TMCC3: variants seen among roughly 807,000 people sequenced by gnomAD.
TMCC3 encodes the protein transmembrane and coiled-coil domain protein 3.
Under a neutral mutation model 40.2 loss-of-function variants are expected in TMCC3, and 28 were observed. The observed-to-expected ratio is 0.70, with a 90% CI of 0.52 to 0.95. The LOEUF is 0.95. TMCC3 is among the 40% of genes least tolerant of loss of function. The pLI, the probability that TMCC3 is intolerant of heterozygous loss-of-function variation, is 0.00. For missense variants in TMCC3, 554 were observed against 615.2 expected, an observed-to-expected ratio of 0.90 and a Z score of 1.05; for synonymous variants, 255 against 248.5, an observed-to-expected ratio of 1.03 and a Z score of -0.25.
chr12:94,571,503 GA>G lies in TMCC3; in HGVS notation c.1365del (p.Ala457LeufsTer14). The G allele has an allele frequency of 6.2e-7, 1 of 1,614,128 alleles. No homozygotes were observed. Among genetic ancestry groups the G allele is most frequent in the Non-Finnish European group, 8.5e-7 (1 of 1,180,028 alleles). ...HILGTFFAVT[L>X]LAIFCKNWDH... ...TCCCAGTTTTTACAAAATATAGCAA[GA>G]AGAGTCACGGCAAAGAAGGTGCCAA... On this transcript the variant is annotated frameshift_variant, in exon 4 of 4. Transcript: ENST00000261226. LOFTEE classifies it high-confidence loss of function.
At chr12:94,610,640 T>C (rs1235434429) in intron 1 of TMCC3, among the ~76,000 whole-genome samples, 2 of 152,144 alleles carry the variant, frequency 1.3e-5, no homozygotes, top group East Asian at 3.8e-4. Flanking sequence ...AGAACCTCTT[T>C]TTAAAATTCT....
intron 1 of TMCC3, among the ~76,000 whole-genome samples, chr12:94,647,678 G>A (rs2069027492): frequency 6.6e-6 from 1 of 152,202 alleles, no homozygotes; most frequent in African/African-American, 2.4e-5. Context: ...AGCACTCGAT[G>A]TCTTCCTCTC....
chr12:94,650,246 C>T (rs2069048309), intron 1 of TMCC3, 107 bp downstream of exon 1: 2 of 641,306 alleles, frequency 3.1e-6, no homozygotes, highest in African/African-American at 1.9e-5. Context: ...CAGCGGAGGG[C>T]GGCGGCGAAA....
intron 1 of TMCC3, among the ~76,000 whole-genome samples, chr12:94,635,366 C>CCGAGCTG (rs376641152): frequency 3.3e-5 from 5 of 152,122 alleles, no homozygotes; most frequent in Non-Finnish European, 7.3e-5. Context: ...CTTCCATCTC[C>CCGAGCTG]CGAGCTGCGA....
At position 94,582,386 on chromosome 12, in the gene TMCC3, C is replaced by T. The variant is rs1397109027; in HGVS notation, c.231G>A (p.Lys77=). The change falls in exon 2 of 4, where the codon AAG becomes AAA. Residue 77 remains lysine (K), a synonymous_variant. Coordinates refer to ENST00000261226, the MANE Select transcript of TMCC3 (RefSeq NM_020698.4). ...GCTCAATTTTTATCTGCTCTGTTAC[C>T]TTTAGAATTTTTTGCTTCAGGCTGT... ...TADSLKQKIL[K]VTEQIKIEQT... is the part of the protein sequence containing the mutation. The T allele has an allele frequency of 6.2e-7, 1 of 1,613,928 alleles. No homozygotes were observed. The highest frequency in any genetic ancestry group is 8.5e-7 in the Non-Finnish European group (1 of 1,179,996).
intron 1 of TMCC3, chr12:94,644,538 T>G: frequency 6.2e-6 from 3 of 487,508 alleles, no homozygotes; most frequent in Non-Finnish European, 8.0e-6. Context: ...CCTTCTCCTC[T>G]AAAGGAAAAG....
chr12:94,626,479 A>T (rs1398902350), intron 1 of TMCC3, among the ~76,000 whole-genome samples: 1 of 152,226 alleles, frequency 6.6e-6, no homozygotes, highest in East Asian at 1.9e-4. Flanking sequence ...AAATCCTTTG[A>T]TGTATTAAAC....
At chr12:94,610,417 C>T (rs1409945056) in intron 1 of TMCC3, among the ~76,000 whole-genome samples, 2 of 149,968 alleles carry the variant, frequency 1.3e-5, no homozygotes, top group Non-Finnish European at 3.0e-5. Flanking sequence ...TCTGAAAACA[C>T]CTTAAGGCAG....
chr12:94,647,871 C>G (rs558402743), intron 1 of TMCC3, among the ~76,000 whole-genome samples: 2 of 152,254 alleles, frequency 1.3e-5, no homozygotes, highest in South Asian at 2.1e-4. Context: ...TTACATCAAC[C>G]CTGCTTGAGA....
intron 1 of TMCC3, among the ~76,000 whole-genome samples, chr12:94,595,924 T>C (rs1317048971): frequency 1.3e-5 from 2 of 152,234 alleles, no homozygotes; most frequent in African/African-American, 4.8e-5. Context: ...ATTTCTGGCA[T>C]AGAAAAACAG....
intron 1 of TMCC3, among the ~76,000 whole-genome samples, chr12:94,588,571 T>C (rs2068651858): frequency 6.6e-6 from 1 of 152,324 alleles, no homozygotes; most frequent in Non-Finnish European, 1.5e-5. Flanking sequence ...AGGCAACAGG[T>C]ATTTCCAAGT....
chr12:94,600,240 G>GA (rs2068744626), intron 1 of TMCC3, among the ~76,000 whole-genome samples: 1 of 102,070 alleles, frequency 9.8e-6, no homozygotes, highest in Admixed American at 1.0e-4. Flanking sequence ...CCAAATTCTG[G>GA]TTTTTTTTTT....
chr12:94,590,074 G>A (rs6538517), intron 1 of TMCC3, among the ~76,000 whole-genome samples: 107,780 of 149,842 alleles, frequency 0.72, 39,314 homozygotes, highest in African/African-American at 0.86. Flanking sequence ...AGCCACATCA[G>A]TCAGGTCTGA....
chr12:94,639,897 C>T (rs1026094750), intron 1 of TMCC3, among the ~76,000 whole-genome samples: 10 of 152,058 alleles, frequency 6.6e-5, no homozygotes, highest in African/African-American at 2.2e-4. Flanking sequence ...CTCAAATTTT[C>T]ACAACCCATG....
Position 94,571,211 on chromosome 12 carries a change from T to C in TMCC3, c.*224A>G. 1.7e-6 allele frequency: 1 copy of C among 572,202 alleles called. No homozygotes were observed. The highest frequency in any genetic ancestry group is 3.1e-6 in the Non-Finnish European group (1 of 324,750). The allele number at this position is 572,202 out of a possible 1,614,324, so 35.4% of individuals were successfully genotyped here. On this transcript the variant is annotated 3_prime_UTR_variant, in exon 4 of 4. Transcript: ENST00000261226. Reference sequence around the variant, plus strand: ...CAGGAAATCGGTCTGATTAAGGCAGTGAGCAAGGTAGGAGAGCTCTGAAAC... The same window carrying C: ...CAGGAAATCGGTCTGATTAAGGCAGCGAGCAAGGTAGGAGAGCTCTGAAAC...
chr12:94,628,296 AC>A (rs1031099276), intron 1 of TMCC3, among the ~76,000 whole-genome samples: 7 of 152,072 alleles, frequency 4.6e-5, no homozygotes, highest in Non-Finnish European at 7.4e-5. Flanking sequence ...AGAGCAGCCT[AC>A]CTTTTTGTCT....
intron 1 of TMCC3, among the ~76,000 whole-genome samples, chr12:94,623,497 T>G (rs1221549525): frequency 1.3e-5 from 2 of 152,252 alleles, no homozygotes; most frequent in African/African-American, 2.4e-5. Flanking sequence ...CCAGCACTTA[T>G]TTCTGCTCTC....
At chr12:94,590,695 T>A (rs1457182405) in intron 1 of TMCC3, 2 of 292,408 alleles carry the variant, frequency 6.8e-6, no homozygotes, top group Non-Finnish European at 1.3e-5. Flanking sequence ...GGTACCTTTG[T>A]GTGTTCTCCC....
At chr12:94,629,598 C>T (rs940034880) in intron 1 of TMCC3, among the ~76,000 whole-genome samples, 3 of 152,120 alleles carry the variant, frequency 2.0e-5, no homozygotes, top group Admixed American at 6.5e-5. Flanking sequence ...ACCTCACGAT[C>T]GGGCCTACCC....
Sources: allele counts gnomAD v4.1 joint callset (sites outside exome capture counted in the v4.1 genomes callset), GRCh38; gene constraint gnomAD v4.1.1; transcripts MANE v1.5; gene names NCBI Gene and HGNC (gene_info 2026-07-23, HGNC 2026-07-21).